Variants in TJP1 observed in about 807,000 individuals in gnomAD.
The protein encoded by TJP1 is tight junction protein ZO-1.
TJP1 carries 43 observed loss-of-function variants against 194.2 expected under a neutral mutation model. That is an observed-to-expected ratio of 0.22 (90% CI 0.17 to 0.29). The LOEUF (loss-of-function observed/expected upper bound fraction) is 0.29. Ranked by LOEUF, TJP1 falls within the 10% of genes least tolerant of loss-of-function variation. The pLI is 1.00. For missense variants in TJP1, 1,971 were observed against 2,185.7 expected (o/e 0.90, Z 1.96); for synonymous variants, 801 against 779.0 (o/e 1.03, Z -0.47).
At chr15:29,803,648 T>C (rs2048928468) in intron 1 of TJP1, among the ~76,000 whole-genome samples, 1 of 152,274 alleles carries the variant, frequency 6.6e-6, no homozygotes, top group South Asian at 2.1e-4. Flanking sequence ...AATGTTCTTA[T>C]TGTTAATTAT....
chr15:29,750,854 G>A (rs1487251252), intron 8 of TJP1, among the ~76,000 whole-genome samples: 1 of 152,150 alleles, frequency 6.6e-6, no homozygotes, highest in African/African-American at 2.4e-5. Flanking sequence ...GAAAACAAAA[G>A]CTAGCTACTA....
chr15:29,716,004 C>T (rs981123204), intron 23 of TJP1, among the ~76,000 whole-genome samples: 1 of 152,148 alleles, frequency 6.6e-6, no homozygotes, highest in African/African-American at 2.4e-5. Context: ...GACACAGAAC[C>T]AGTAGGAGAC....
intron 23 of TJP1, among the ~76,000 whole-genome samples, chr15:29,713,685 T>G (rs1442587580): frequency 6.6e-6 from 1 of 152,152 alleles, no homozygotes; most frequent in African/African-American, 2.4e-5. Flanking sequence ...TGGACAAGAG[T>G]ATGAAAAAGC....
chr15:29,799,651 G>A (rs1016723466), intron 2 of TJP1, among the ~76,000 whole-genome samples: 23 of 152,074 alleles, frequency 1.5e-4, no homozygotes, highest in Admixed American at 3.9e-4. Context: ...TCCTGACCTC[G>A]TGATCTGCCT....
chr15:29,908,623 A>G (rs1483823655), intron 2 of TJP1, among the ~76,000 whole-genome samples: 1 of 152,232 alleles, frequency 6.6e-6, no homozygotes, highest in East Asian at 1.9e-4. Flanking sequence ...CAAGAGGGTG[A>G]ATTTATTAGC....
At chr15:29,883,934 G>T (rs573406702) in intron 2 of TJP1, among the ~76,000 whole-genome samples, 2 of 152,128 alleles carry the variant, frequency 1.3e-5, no homozygotes, top group African/African-American at 4.8e-5. Flanking sequence ...ATATCCACTC[G>T]TACAATGCTA....
intron 4 of TJP1, 133 bp from the exon 5 acceptor site, chr15:29,766,675 T>C: frequency 1.2e-6 from 1 of 813,092 alleles, no homozygotes; most frequent in South Asian, 3.4e-5. Context: ...CACAAACAAC[T>C]ACAACAAATT....
intron 4 of TJP1, 113 bp downstream of exon 4, chr15:29,771,951 T>C (rs1374381148): frequency 1.5e-6 from 1 of 652,710 alleles, no homozygotes; most frequent in East Asian, 2.9e-5. Flanking sequence ...ACAAATAACT[T>C]TGGAACTATT....
At chr15:29,879,640 C>A in intron 2 of TJP1, among the ~76,000 whole-genome samples, 1 of 152,204 alleles carries the variant, frequency 6.6e-6, no homozygotes, top group East Asian at 1.9e-4. Context: ...ACTCCTCTGG[C>A]CACCTGGTAC....
In TJP1 at chr15:29,771,592, T is replaced by C. The variant is rs375330291; in HGVS notation, c.312+472A>G. On this transcript the variant is annotated intron_variant, in intron 4 of 27. Coordinates refer to ENST00000614355, the MANE Select transcript of TJP1 (RefSeq NM_001330239.4). ...AGGCCGAGGCAGGCAGATCACGAGG[T>C]CAGGAGATCGAGACCATCCTGGCTA... Among the ~76,000 whole-genome samples the C allele has an allele frequency of 2.6e-5, 4 of 151,536 alleles. No homozygotes were observed. In the East Asian group the frequency reaches 7.8e-4, roughly 30 times the overall value.
intron 2 of TJP1, among the ~76,000 whole-genome samples, chr15:29,918,947 G>C (rs1342958158): frequency 6.6e-6 from 1 of 152,072 alleles, no homozygotes; most frequent in African/African-American, 2.4e-5. Context: ...CTCCCAAAAC[G>C]ATATTGGTAT....
At chr15:29,869,774 CCT>C (rs2052431855) in intron 2 of TJP1, among the ~76,000 whole-genome samples, 6 of 149,072 alleles carry the variant, frequency 4.0e-5, no homozygotes, top group Admixed American at 2.7e-4. Context: ...TATCCTTTCC[CCT>C]GTCTTTCTTT....
upstream of TJP1, chr15:29,823,274 A>C (rs1425930482): frequency 6.6e-6 from 1 of 152,240 alleles, no homozygotes; most frequent in Non-Finnish European, 1.5e-5. Flanking sequence ...TGGGCAGAAA[A>C]GGGTGTAAAC....
At chr15:29,946,984 A>T (rs1034793004) in intron 2 of TJP1, among the ~76,000 whole-genome samples, 2 of 152,198 alleles carry the variant, frequency 1.3e-5, no homozygotes, top group Non-Finnish European at 2.9e-5. Context: ...TACTGCAGGC[A>T]CTAAATCTTT....
chr15:29,792,443 C>G (rs2048155363), intron 2 of TJP1, among the ~76,000 whole-genome samples: 1 of 152,036 alleles, frequency 6.6e-6, no homozygotes, highest in Admixed American at 6.5e-5. Context: ...CTATTCTGTT[C>G]CACTGGTCTG....
intron 16 of TJP1, among the ~76,000 whole-genome samples, chr15:29,727,722 CTT>C (rs1265359743): frequency 6.6e-6 from 1 of 152,144 alleles, no homozygotes; most frequent in Non-Finnish European, 1.5e-5. Context: ...AAATCATACA[CTT>C]GTTTTGTGGT....
chr15:29,935,538 G>A (rs1160418206), intron 2 of TJP1, among the ~76,000 whole-genome samples: 1 of 152,100 alleles, frequency 6.6e-6, no homozygotes, highest in African/African-American at 2.4e-5. Context: ...TCATTACAAA[G>A]GACTTCAAAA....
intron 8 of TJP1, among the ~76,000 whole-genome samples, chr15:29,745,217 A>C (rs1281303259): frequency 6.6e-6 from 1 of 151,380 alleles, no homozygotes; most frequent in Admixed American, 6.6e-5. Context: ...GTAACAGGAC[A>C]GTGATACCTG....
At chr15:29,815,230 A>C (rs944733446) in intron 1 of TJP1, among the ~76,000 whole-genome samples, 17 of 152,238 alleles carry the variant, frequency 1.1e-4, no homozygotes, top group African/African-American at 4.1e-4. Flanking sequence ...CAGAGAGAGC[A>C]AAAGTCTTAT....
Sources: gnomAD v4.1 joint callset for allele counts (sites outside exome capture counted in the v4.1 genomes callset) on GRCh38, gnomAD v4.1.1 for gene constraint, MANE v1.5 for transcripts, NCBI Gene and HGNC (gene_info 2026-07-23, HGNC 2026-07-21) for gene names.